Variants in CDC123 observed in about 807,000 individuals in gnomAD.
CDC123 encodes the protein translation initiation factor eIF2 assembly protein.
CDC123 carries 37 observed loss-of-function variants against 54.4 expected under a neutral mutation model. The ratio of observed to expected loss-of-function variants is 0.68; its 90% confidence interval spans 0.52 to 0.89. The LOEUF (loss-of-function observed/expected upper bound fraction) is 0.89. Among genes scored for constraint, CDC123 ranks in the 40% least tolerant of loss-of-function variants. CDC123 has a pLI of 0.00. For synonymous variants in CDC123, 144 were observed against 136.8 expected, an observed-to-expected ratio of 1.05 and a Z score of -0.37; for missense variants, 361 against 412.1, an observed-to-expected ratio of 0.88 and a Z score of 1.07.
chr10:12,250,417 C>A lies in CDC123; in HGVS notation c.*80C>A. The A allele has an allele frequency of 9.2e-7, 1 of 1,084,048 alleles. No individual in the cohort carries two copies. 67.2% of individuals were successfully genotyped at this position (1,084,048 alleles called of 1,614,324 possible). ...CTCATCAGCCGCAACTTCCTGCCGA[C>A]CCTGATGCGGGTGGGCCGAGCAGTG... On this transcript the variant is annotated 3_prime_UTR_variant, in exon 13 of 13. Transcript: ENST00000281141.
chr10:12,227,966 AG>A (rs1379975321), intron 6 of CDC123, among the ~76,000 whole-genome samples: 1 of 152,168 alleles, frequency 6.6e-6, no homozygotes, highest in South Asian at 2.1e-4. Context: ...TTTTTGAGGC[AG>A]GATCTCACTC....
chr10:12,204,969 G>A (rs1251997864), intron 2 of CDC123, among the ~76,000 whole-genome samples: 1 of 143,548 alleles, frequency 7.0e-6, no homozygotes, highest in African/African-American at 2.7e-5. Context: ...CTCCAGCCTG[G>A]ATGACAGAGT....
intron 10 of CDC123, 147 bp from the exon 11 acceptor site, chr10:12,246,002 C>G: frequency 1.3e-6 from 1 of 760,758 alleles, no homozygotes; most frequent in Non-Finnish European, 2.1e-6. Context: ...CCCAGGAGGT[C>G]GAGGCTGCAG....
intron 6 of CDC123, among the ~76,000 whole-genome samples, chr10:12,222,442 A>AC (rs1308215797): frequency 1.3e-5 from 2 of 152,148 alleles, no homozygotes; most frequent in African/African-American, 4.8e-5. Context: ...ACATGGTGAA[A>AC]CCCTGACTCT....
chr10:12,250,366 G>T lies in CDC123; in HGVS notation c.*29G>T. The T allele has an allele frequency of 6.3e-7, 1 of 1,575,204 alleles. No individual in the cohort carries two copies. Among genetic ancestry groups the T allele is most frequent in the Non-Finnish European group, 8.7e-7 (1 of 1,145,230 alleles). On this transcript the variant is annotated 3_prime_UTR_variant, in exon 13 of 13. Coordinates refer to ENST00000281141, the MANE Select transcript of CDC123 (RefSeq NM_006023.3). ...GCGTACTGGAACTGGAGAAGAGGAG[G>T]CCCCGCCCCACCGCTCCGGGAGCTG... is the stretch of plus-strand genomic sequence containing the variant.
intron 2 of CDC123, among the ~76,000 whole-genome samples, chr10:12,203,129 C>T (rs902885173): frequency 2.0e-5 from 3 of 152,190 alleles, no homozygotes; most frequent in African/African-American, 7.2e-5. Context: ...CTACACGTGC[C>T]ACCTTCCAGA....
At position 12,210,260 on chromosome 10, in the gene CDC123, T is replaced by A. The variant is rs1400445316; in HGVS notation, c.205-30T>A. On this transcript the variant is annotated intron_variant, in intron 3 of 12. Coordinates refer to ENST00000281141, the MANE Select transcript of CDC123 (RefSeq NM_006023.3). The stretch of plus-strand genomic sequence containing the variant: ...AGCCCAGTGCAGTATTTAAATTTAA[T>A]GTTTTATTTTTTTCCTCTTTTTCAT... The A allele has an allele frequency of 2.5e-6, 4 of 1,612,968 alleles. No individual in the cohort carries two copies. In the South Asian group the frequency reaches 4.4e-5, roughly 18 times the overall value.
intron 8 of CDC123, among the ~76,000 whole-genome samples, chr10:12,236,753 G>A (rs1483179957): frequency 6.6e-6 from 1 of 152,122 alleles, no homozygotes; most frequent in Non-Finnish European, 1.5e-5. Flanking sequence ...AATTTGCTGG[G>A]TGTGGTGGCA....
At position 12,249,595 on chromosome 10, in the gene CDC123, C is replaced by T; in HGVS notation, c.861C>T (p.Phe287=). The T allele has an allele frequency of 1.2e-6, 2 of 1,613,220 alleles. No individual in the cohort carries two copies. Among genetic ancestry groups the T allele is most frequent in the South Asian group, 2.2e-5 (2 of 90,814 alleles). ...TCTTTGTACAGGATTCCCCAGCTTT[C>T]CGTTGCACAAACAGTGAAGTGACAG... ...VDAQEQDSPA[F]RCTNSEVTVQ... is the part of the protein sequence containing the mutation. Residue 287 remains phenylalanine (F), a synonymous_variant, in exon 12 of 13, where the codon TTC becomes TTT. Transcript: ENST00000281141.
chr10:12,230,665 T>A (rs1835888028), intron 6 of CDC123, among the ~76,000 whole-genome samples: 1 of 152,222 alleles, frequency 6.6e-6, no homozygotes, highest in African/African-American at 2.4e-5. Flanking sequence ...GTAGTCACCC[T>A]GTTGTGCTGT....
intron 11 of CDC123, chr10:12,246,614 T>TA (rs1266014549): frequency 1.6e-5 from 3 of 191,504 alleles, no homozygotes; most frequent in Non-Finnish European, 3.2e-5. Context: ...ACAGAGAAGT[T>TA]ACACACGTGC....
intron 8 of CDC123, among the ~76,000 whole-genome samples, chr10:12,236,094 A>T (rs1450686579): frequency 6.6e-6 from 1 of 152,246 alleles, no homozygotes; most frequent in Non-Finnish European, 1.5e-5. Flanking sequence ...CTTCTATGCA[A>T]TACAGTATGA....
In CDC123 at chr10:12,234,185, C is replaced by A. The variant is rs187660322; in HGVS notation, c.490-863C>A. Among the ~76,000 whole-genome samples the A allele has an allele frequency of 4.6e-3, 696 of 152,306 alleles. 6 individuals are homozygous for A. The highest frequency in any genetic ancestry group is 0.016 in the African/African-American group (670 of 41,560). ...TCTCGGCTCACTGCAACCTCCGCTT[C>A]CTGGGTTCAAGCGATTCTCCTGCCT... On this transcript the variant is annotated intron_variant, in intron 7 of 12. Transcript: ENST00000281141.
At chr10:12,221,450 C>T (rs1835735886) in intron 6 of CDC123, among the ~76,000 whole-genome samples, 1 of 152,152 alleles carries the variant, frequency 6.6e-6, no homozygotes, top group East Asian at 1.9e-4. Flanking sequence ...TCCTCTTGTT[C>T]TTTTCTGTAT....
At chr10:12,207,019 A>AT (rs1181754092) in intron 2 of CDC123, among the ~76,000 whole-genome samples, 7 of 150,780 alleles carry the variant, frequency 4.6e-5, no homozygotes, top group African/African-American at 9.8e-5. Flanking sequence ...CATTTAAGGT[A>AT]TTTTTTCTCC....
chr10:12,239,881 A>G (rs1174262130), intron 10 of CDC123, among the ~76,000 whole-genome samples: 1 of 151,226 alleles, frequency 6.6e-6, no homozygotes, highest in African/African-American at 2.4e-5. Flanking sequence ...GTTGGCGGGC[A>G]CTTGTAGTCC....
At chr10:12,242,722 A>AG (rs2131767251) in intron 10 of CDC123, among the ~76,000 whole-genome samples, 1 of 152,196 alleles carries the variant, frequency 6.6e-6, no homozygotes, top group African/African-American at 2.4e-5. Flanking sequence ...CAGGCAGGTC[A>AG]CCTGAGATCA....
rs750162429 is a variant in CDC123 at position 12,196,235 on chromosome 10, G to A, written c.-11G>A. ...AGGAGAGGGAAAGGCAGCAGCGGCG[G>A]CAGCTGGAGGATGAAGAAGGAGCAT... is the stretch of plus-strand genomic sequence containing the variant. On this transcript the variant is annotated 5_prime_UTR_variant, in exon 1 of 13. Coordinates refer to ENST00000281141, the MANE Select transcript of CDC123 (RefSeq NM_006023.3). The A allele has an allele frequency of 1.9e-6, 3 of 1,613,784 alleles. No individual in the cohort carries two copies.
chr10:12,223,632 G>A (rs1211790353), intron 6 of CDC123, among the ~76,000 whole-genome samples: 1 of 152,120 alleles, frequency 6.6e-6, no homozygotes, highest in Non-Finnish European at 1.5e-5. Flanking sequence ...CAGTCCCAAG[G>A]CATGTTTAGG....
Sources: allele counts gnomAD v4.1 joint callset (sites outside exome capture counted in the v4.1 genomes callset), GRCh38; gene constraint gnomAD v4.1.1; transcripts MANE v1.5; gene names NCBI Gene and HGNC (gene_info 2026-07-23, HGNC 2026-07-21).